Variants in HOOK2 observed in about 807,000 individuals in gnomAD.
HOOK2 encodes the protein hook microtubule tethering protein 2, also known as protein Hook homolog 2.
In HOOK2, 108 loss-of-function variants were observed where a neutral mutation model predicts 111.9. The observed-to-expected ratio is 0.96, with a 90% CI of 0.83 to 1.13. The LOEUF (loss-of-function observed/expected upper bound fraction) is 1.13. Ranked by LOEUF, HOOK2 falls within the 50% of genes most tolerant of loss-of-function variation. HOOK2 has a pLI of 0.00. For synonymous variants in HOOK2, 405 were observed against 394.3 expected, an observed-to-expected ratio of 1.03 and a Z score of -0.32; for missense variants, 978 against 951.3, an observed-to-expected ratio of 1.03 and a Z score of -0.37.
At chr19:12,771,636 A>C (rs965908689) in intron 7 of HOOK2, among the ~76,000 whole-genome samples, 159 bp from the exon 8 acceptor site, 1 of 152,130 alleles carries the variant, frequency 6.6e-6, no homozygotes, top group Non-Finnish European at 1.5e-5. Context: ...TAATCCCAGC[A>C]CTTTGGGAGG....
chr19:12,772,365 C>A, intron 6 of HOOK2, 113 bp from the exon 7 acceptor site: 1 of 1,235,918 alleles, frequency 8.1e-7, no homozygotes, highest in Non-Finnish European at 1.2e-6. Context: ...CAGTTCTGCC[C>A]AATAACCCCA....
Position 12,764,882 on chromosome 19 carries a change from G to C in HOOK2, c.1759C>G (p.Gln587Glu), listed in dbSNP as rs1269801370. 5 of 1,614,164 alleles carry C rather than the reference G, an allele frequency of 3.1e-6. No individual in the cohort carries two copies. The highest frequency in any genetic ancestry group is 4.2e-6 in the Non-Finnish European group (5 of 1,180,046). ...GCCCGCAAGTCCGCGTCCTTCTTCTGCAAGTTATGCTGCAGCTCCTCGATC... is the reference window on the plus strand; with the variant it reads ...GCCCGCAAGTCCGCGTCCTTCTTCTCCAAGTTATGCTGCAGCTCCTCGATC... ...RRIEELQHNL[Q>E]KKDADLRAME... is the part of the protein sequence containing the mutation. The change falls in exon 20 of 23, where the codon CAG becomes GAG. Residue 587 changes from glutamine to glutamate, a missense_variant. Coordinates refer to ENST00000397668, the MANE Select transcript of HOOK2 (RefSeq NM_013312.3).
At chr19:12,787,403 G>T (rs1387242134) in intron 3 of HOOK2, among the ~76,000 whole-genome samples, 2 of 152,122 alleles carry the variant, frequency 1.3e-5, no homozygotes, top group Non-Finnish European at 2.9e-5. Flanking sequence ...GGCTGAGGCG[G>T]GCAGATAACT....
chr19:12,767,310 CAGA>C, intron 14 of HOOK2, 82 bp downstream of exon 14: 1 of 1,163,388 alleles, frequency 8.6e-7, no homozygotes, highest in Non-Finnish European at 1.3e-6. Context: ...CCGGGGCTAG[CAGA>C]AGATGGGAGG....
chr19:12,789,534 G>C (rs556663073), intron 3 of HOOK2, among the ~76,000 whole-genome samples: 10 of 152,246 alleles, frequency 6.6e-5, no homozygotes, highest in African/African-American at 2.4e-4. Flanking sequence ...ATGAGTGAGT[G>C]GGGGGTGTTG....
chr19:12,778,124 A>G (rs1555731053), upstream of HOOK2, among the ~76,000 whole-genome samples: 2 of 148,372 alleles, frequency 1.3e-5, no homozygotes. Flanking sequence ...ATTAGAGGTT[A>G]TTAGCTGTAC....
rs765504762 is a variant in HOOK2, at chr19:12,764,828, C to T, written c.1813G>A (p.Asp605Asn). The T allele has an allele frequency of 1.9e-6, 3 of 1,613,804 alleles. No individual in the cohort carries two copies. Among genetic ancestry groups the T allele is most frequent in the Admixed American group, 3.3e-5 (2 of 60,020 alleles). Residue 605 changes from aspartate (D) to asparagine (N), a missense_variant, in exon 20 of 23, where the codon GAC becomes AAC. Asp to Asn is a conservative substitution (Grantham distance 23). Transcript: ENST00000397668. ...AMEERYRRYV[D>N]KARMVMQTME... Reference sequence around the variant, plus strand: ...AGCGTCCTCACCATGCGGGCCTTGTCCACGTAGCGGCGGTATCGCTCCTCC... The same window carrying T: ...AGCGTCCTCACCATGCGGGCCTTGTTCACGTAGCGGCGGTATCGCTCCTCC...
Position 12,772,679 on chromosome 19 carries a change from G to A in HOOK2, c.390C>T (p.Asp130=). 1.9e-6 allele frequency: 3 copies of A among 1,614,236 alleles called. No individual in the cohort carries two copies. Among genetic ancestry groups the A allele is most frequent in the South Asian group, 2.2e-5 (2 of 91,090 alleles). Residue 130 remains aspartate, a splice_region_variant and synonymous_variant, in exon 6 of 23, where the codon GAC becomes GAT. Transcript: ENST00000397668. ...GCAISCEKKQ[D]HIQRIMTLEE... ...CCAGCGTCATGATTCTCTGGATGTG[G>A]TCTGGGGATCAAGGTGGGGGAGGCT...
chr19:12,763,443 G>C lies in HOOK2; in HGVS notation c.2011-12C>G. ...TGCAAGGCCATGCCCTTCAGGAGGA[G>C]GTGTGGTTGGGGTCAGGTGAGCTCA... On this transcript the variant is annotated splice_polypyrimidine_tract_variant and intron_variant, in intron 22 of 22. Coordinates refer to ENST00000397668, the MANE Select transcript of HOOK2 (RefSeq NM_013312.3). 6.2e-7 allele frequency: 1 copy of C among 1,613,606 alleles called. No homozygotes were observed.
intron 7 of HOOK2, 56 bp downstream of exon 7, chr19:12,772,134 G>A (rs535133009): frequency 9.8e-6 from 13 of 1,331,732 alleles, no homozygotes; most frequent in East Asian, 4.6e-5. Flanking sequence ...CCCAACTCCC[G>A]GCCTTTGGAT....
At chr19:12,777,873 T>C (rs1968557401), upstream of HOOK2, among the ~76,000 whole-genome samples, 1 of 152,384 alleles carries the variant, frequency 6.6e-6, no homozygotes, top group Middle Eastern at 3.4e-3. Context: ...GCAGTCACCA[T>C]GTATGGAGTG....
chr19:12,772,352 G>A, intron 6 of HOOK2, 100 bp from the exon 7 acceptor site: 1 of 1,341,584 alleles, frequency 7.5e-7, no homozygotes, highest in Non-Finnish European at 1.1e-6. Flanking sequence ...CTCCCGTCAA[G>A]GCCAGTTCTG....
upstream of HOOK2, among the ~76,000 whole-genome samples, chr19:12,779,616 A>G (rs1175729113): frequency 2.0e-5 from 3 of 152,094 alleles, no homozygotes; most frequent in Non-Finnish European, 2.9e-5. Flanking sequence ...TCTGCCTCCT[A>G]AAGTGCTGGG....
chr19:12,767,923 GAC>G lies in HOOK2; in HGVS notation c.1216-22_1216-21del. 6.2e-7 allele frequency: 1 copy of G among 1,611,636 alleles called. No individual in the cohort carries two copies. Among genetic ancestry groups the G allele is most frequent in the Non-Finnish European group, 8.5e-7 (1 of 1,178,960 alleles). ...CAGCCGCTGCAGGGACAGGGTACAA[GAC>G]ACTCCACGGGTCAGGCTCGGCCTCC... On this transcript the variant is annotated intron_variant, in intron 12 of 22. Transcript: ENST00000397668.
rs1343833622 is a variant in HOOK2 at position 12,765,031 on chromosome 19, A to C, written c.1691T>G (p.Ile564Ser). ...GTCAGTGGGTGGCTCCAGCTCCTCA[A>C]TGTACTCCCGCTTCCTCTGCAACTC... ...DLELQRKREYIEELEPPTDSS... is the reference protein window; with the variant it reads ...DLELQRKREYSEELEPPTDSS... Residue 564 changes from isoleucine (I) to serine (S), a missense_variant, in exon 19 of 23, where the codon ATT becomes AGT. Transcript: ENST00000397668. 6.8e-6 allele frequency: 11 copies of C among 1,613,936 alleles called. No individual in the cohort carries two copies. The highest frequency in any genetic ancestry group is 1.3e-5 in the African/African-American group (1 of 74,898).
At position 12,768,135 on chromosome 19, in the gene HOOK2, G is replaced by A; in HGVS notation, c.1105-12C>T. 1 of 1,611,210 alleles carries A rather than the reference G, an allele frequency of 6.2e-7. No individual in the cohort carries two copies. Among genetic ancestry groups the A allele is most frequent in the Non-Finnish European group, 8.5e-7 (1 of 1,177,530 alleles). On this transcript the variant is annotated splice_polypyrimidine_tract_variant and intron_variant, in intron 11 of 22. Transcript: ENST00000397668. The stretch of plus-strand genomic sequence containing the variant: ...TGCAGTTCCTGCACCTGAACACAGA[G>A]AGGGGAGGAATAAGGACAGCAGGGC...
intron 3 of HOOK2, among the ~76,000 whole-genome samples, chr19:12,789,503 A>G (rs544730528): frequency 6.6e-6 from 1 of 152,204 alleles, no homozygotes; most frequent in African/African-American, 2.4e-5. Flanking sequence ...GACTAAAACG[A>G]GAGTGGGGCC....
At position 12,771,491 on chromosome 19, in the gene HOOK2, G is replaced by A. The variant is rs201657739; in HGVS notation, c.520-14C>T. 4.4e-6 allele frequency: 7 copies of A among 1,604,934 alleles called. No individual in the cohort carries two copies. Among genetic ancestry groups the A allele is most frequent in the Middle Eastern group, 3.3e-4 (2 of 6,052 alleles). On this transcript the variant is annotated splice_polypyrimidine_tract_variant and intron_variant, in intron 7 of 22. Coordinates refer to ENST00000397668, the MANE Select transcript of HOOK2 (RefSeq NM_013312.3). ...GTACCTGCGGGACTGCAGAGATGAG[G>A]GGGAAGAGGAACTCAGGGATTCAGG...
Position 12,791,617 on chromosome 19 carries a change from C to T in HOOK2, n.42-17392G>A. 1 of 553,952 alleles carries T rather than the reference C, an allele frequency of 1.8e-6. No individual in the cohort carries two copies. The highest frequency in any genetic ancestry group is 3.1e-6 in the Non-Finnish European group (1 of 324,506). The allele number at this position is 553,952 out of a possible 1,614,324, so 34.3% of individuals were successfully genotyped here. A position where few individuals can be genotyped will look rare whatever the true frequency, so the allele number is the denominator to read the frequency against. ...GGAAGCCTGACAGGGCTTTTGCGCA[C>T]AGCTGCCGGCTGGCTGCTACCCGCC... On this transcript the variant is annotated intron_variant and non_coding_transcript_variant, in intron 3 of 3. Transcript: ENST00000589765. The surrounding 1 kb of genome is among the most constrained non-coding windows in gnomAD (Gnocchi z 7.0).
Sources: gnomAD v4.1 joint callset for allele counts (sites outside exome capture counted in the v4.1 genomes callset) on GRCh38, gnomAD v4.1.1 for gene constraint, Gnocchi (gnomAD v3.1) non-coding constraint, MANE v1.5 for transcripts, NCBI Gene and HGNC (gene_info 2026-07-23, HGNC 2026-07-21) for gene names.